The following TNNI3K variants were observed in gnomAD, a reference collection of about 807,000 sequenced individuals.
The protein encoded by TNNI3K is serine/threonine-protein kinase TNNI3K.
Under a neutral mutation model 114.5 loss-of-function variants are expected in TNNI3K, and 140 were observed. That is an observed-to-expected ratio of 1.22 (90% CI 1.07 to 1.41). The LOEUF is 1.41. TNNI3K is among the 40% of genes most tolerant of loss of function. The pLI is 0.00. For synonymous variants in TNNI3K, 347 were observed against 347.5 expected (o/e 1.00, Z 0.02); for missense variants, 1,125 against 1,007.6 (o/e 1.12, Z -1.58).
At chr1:74,434,124 G>A (rs1666018847) in intron 17 of TNNI3K, among the ~76,000 whole-genome samples, 1 of 151,934 alleles carries the variant, frequency 6.6e-6, no homozygotes, top group Non-Finnish European at 1.5e-5. Flanking sequence ...TGATTTCAGA[G>A]CATTAAAATA....
chr1:74,502,990 C>G (rs1570711073), intron 23 of TNNI3K, among the ~76,000 whole-genome samples: 1 of 152,350 alleles, frequency 6.6e-6, no homozygotes. Context: ...CACTTGTGGA[C>G]TAGCTTTGAG....
At chr1:74,253,739 C>T (rs1407550517) in intron 4 of TNNI3K, among the ~76,000 whole-genome samples, 1 of 152,146 alleles carries the variant, frequency 6.6e-6, no homozygotes, top group Non-Finnish European at 1.5e-5. Context: ...CCCTCCACAC[C>T]TCCCCGCAGG....
At chr1:74,504,945 C>G (rs1188755707) in intron 23 of TNNI3K, among the ~76,000 whole-genome samples, 1 of 152,054 alleles carries the variant, frequency 6.6e-6, no homozygotes, top group African/African-American at 2.4e-5. Context: ...GAAGATTCGC[C>G]GGAGGCAAAC....
At position 74,369,580 on chromosome 1, in the gene TNNI3K, G is replaced by T; in HGVS notation, c.1662G>T (p.Gln554His). 6.2e-7 allele frequency: 1 copy of T among 1,605,092 alleles called. No homozygotes were observed. The highest frequency in any genetic ancestry group is 8.5e-7 in the Non-Finnish European group (1 of 1,176,002). The change falls in exon 16 of 25, where the codon CAG becomes CAT. Residue 554 changes from glutamine (Q) to histidine (H), a missense_variant. Gln to His is a conservative substitution (Grantham distance 24). Transcript: ENST00000326637. Reference sequence around the variant, plus strand: ...CTCTGTTCTCCCTCCTTCATGAGCAGAAGAGGTATGGGTCTTTTGTTCTGA... The same window carrying T: ...CTCTGTTCTCCCTCCTTCATGAGCATAAGAGGTATGGGTCTTTTGTTCTGA... ...GGSLFSLLHEQKRILDLQSKL... is the reference protein window; with the variant it reads ...GGSLFSLLHEHKRILDLQSKL...
intron 17 of TNNI3K, among the ~76,000 whole-genome samples, chr1:74,393,178 T>C (rs61776226): frequency 0.033 from 5,003 of 152,258 alleles, 120 homozygotes; most frequent in Non-Finnish European, 0.053. Context: ...TTTTCTTCAA[T>C]TTTATTCTAT....
intron 20 of TNNI3K, among the ~76,000 whole-genome samples, chr1:74,440,133 A>G (rs1191800632): frequency 2.0e-5 from 3 of 152,072 alleles, no homozygotes; most frequent in Non-Finnish European, 4.4e-5. Context: ...AAAATGGGGC[A>G]TGCAGTGAGT....
At chr1:74,407,870 A>T (rs779608578) in intron 17 of TNNI3K, among the ~76,000 whole-genome samples, 4 of 152,180 alleles carry the variant, frequency 2.6e-5, no homozygotes, top group Non-Finnish European at 5.9e-5. Context: ...CTTTAGCATT[A>T]TGAAAATCAC....
Position 74,463,568 on chromosome 1 carries a change from C to A in TNNI3K, c.2121+18C>A. On this transcript the variant is annotated intron_variant, in intron 21 of 24. Coordinates refer to ENST00000326637, the MANE Select transcript of TNNI3K (RefSeq NM_015978.3). ...GTCCTGAAGTGAGTAATTTTTATTT[C>A]CTCTTAGAAAATGTGTTATGGTCAA... The A allele has an allele frequency of 6.2e-7, 1 of 1,612,304 alleles. No individual in the cohort carries two copies. The highest frequency in any genetic ancestry group is 8.5e-7 in the Non-Finnish European group (1 of 1,178,428).
intron 5 of TNNI3K, among the ~76,000 whole-genome samples, chr1:74,280,144 A>G (rs1341004664): frequency 6.6e-6 from 1 of 152,168 alleles, no homozygotes; most frequent in Non-Finnish European, 1.5e-5. Context: ...CCACTTTGGG[A>G]GGCCGAGATG....
intron 17 of TNNI3K, among the ~76,000 whole-genome samples, chr1:74,398,335 A>G (rs74093527): frequency 0.031 from 4,726 of 152,284 alleles, 235 homozygotes; most frequent in African/African-American, 0.11. Context: ...ACTGATGTCC[A>G]AACTGCATAG....
At chr1:74,299,969 C>T (rs568807306) in intron 5 of TNNI3K, among the ~76,000 whole-genome samples, 1 of 152,262 alleles carries the variant, frequency 6.6e-6, no homozygotes, top group Admixed American at 6.5e-5. Flanking sequence ...AAATTTCATT[C>T]ATTTTTGTTC....
chr1:74,524,595 G>T (rs1646477808), intron 23 of TNNI3K, among the ~76,000 whole-genome samples: 1 of 152,102 alleles, frequency 6.6e-6, no homozygotes. Context: ...AGAGCAATGG[G>T]CATACTTTAA....
chr1:74,393,524 C>A (rs1663907822), intron 17 of TNNI3K, among the ~76,000 whole-genome samples: 1 of 152,124 alleles, frequency 6.6e-6, no homozygotes, highest in Admixed American at 6.5e-5. Context: ...AATTAATTTT[C>A]CAGGCAATTT....
intron 9 of TNNI3K, among the ~76,000 whole-genome samples, chr1:74,352,613 C>T (rs1286896322): frequency 6.6e-6 from 1 of 152,210 alleles, no homozygotes; most frequent in Non-Finnish European, 1.5e-5. Flanking sequence ...TGGTCGGCTC[C>T]ACCCAGTTCG....
Position 74,343,180 on chromosome 1 carries a change from G to A in TNNI3K, c.932+1G>A. 1 of 1,608,592 alleles carries A rather than the reference G, an allele frequency of 6.2e-7. No individual in the cohort carries two copies. The highest frequency in any genetic ancestry group is 8.5e-7 in the Non-Finnish European group (1 of 1,177,274). On this transcript the variant is annotated splice_donor_variant, in intron 9 of 24. Coordinates refer to ENST00000326637, the MANE Select transcript of TNNI3K (RefSeq NM_015978.3). LOFTEE classifies it high-confidence loss of function. ...TCTTCAGTGAAACAGCTTTTCATAG[G>A]TAAAAGAATATTTAAGTGCAATAGC...
intron 5 of TNNI3K, among the ~76,000 whole-genome samples, chr1:74,287,698 A>G (rs1657418426): frequency 1.3e-5 from 2 of 152,166 alleles, no homozygotes; most frequent in African/African-American, 4.8e-5. Context: ...TATGACCTCA[A>G]AAACACAAGA....
intron 20 of TNNI3K, among the ~76,000 whole-genome samples, chr1:74,442,439 GA>G (rs1433784540): frequency 6.6e-6 from 1 of 151,874 alleles, no homozygotes; most frequent in Non-Finnish European, 1.5e-5. Context: ...TGGCCATCTA[GA>G]TTTTTTTTGC....
chr1:74,543,819 G>T, intron 24 of TNNI3K, 87 bp from the exon 25 acceptor site: 1 of 1,468,178 alleles, frequency 6.8e-7, no homozygotes, highest in South Asian at 1.2e-5. Context: ...TGATCTGGAA[G>T]ACCTGCCTGG....
intron 17 of TNNI3K, among the ~76,000 whole-genome samples, chr1:74,398,047 C>T (rs1286481487): frequency 6.6e-6 from 1 of 152,220 alleles, no homozygotes; most frequent in Non-Finnish European, 1.5e-5. Flanking sequence ...AAGCCTCCTG[C>T]TTCCAGCAGA....
Sources: gnomAD v4.1 joint callset for allele counts (sites outside exome capture counted in the v4.1 genomes callset) on GRCh38, gnomAD v4.1.1 for gene constraint, MANE v1.5 for transcripts, NCBI Gene and HGNC (gene_info 2026-07-23, HGNC 2026-07-21) for gene names.